ANKRD17: variants seen among roughly 807,000 people sequenced by gnomAD.
ANKRD17 encodes ankyrin repeat domain-containing protein 17.
In ANKRD17, 19 loss-of-function variants were observed where a neutral mutation model predicts 229.7. The observed-to-expected ratio is 0.08, with a 90% CI of 0.06 to 0.12. The LOEUF (loss-of-function observed/expected upper bound fraction) is 0.12, where lower values mean the gene tolerates loss of function less well. Among genes scored for constraint, ANKRD17 ranks in the 10% least tolerant of loss-of-function variants. The pLI is 1.00. For synonymous variants in ANKRD17, 1,112 were observed against 1,146.1 expected, an observed-to-expected ratio of 0.97 and a Z score of 0.60; for missense variants, 2,176 against 3,176.8, an observed-to-expected ratio of 0.68 and a Z score of 7.57.
In ANKRD17 at chr4:73,091,683, C is replaced by G; in HGVS notation, c.5945G>C (p.Gly1982Ala). 7 of 1,614,124 alleles carry G rather than the reference C, an allele frequency of 4.3e-6. No homozygotes were observed. Among genetic ancestry groups the G allele is most frequent in the Non-Finnish European group, 5.9e-6 (7 of 1,180,018 alleles). ...TTSSSASTVP[G>A]TSTNGSPSSP... ...ACTTGGACTGCCATTTGTAGATGTA[C>G]CAGGCACCGTTGAAGCTGATGAACT... The change falls in exon 29 of 34, where the codon GGT (glycine) becomes GCT (alanine). Residue 1982 changes from glycine (G) to alanine (A), a missense_variant. This residue lies in a region of ANKRD17 where 424 missense variants were observed against 454.0 expected (regional missense o/e 0.93). Transcript: ENST00000358602.
intron 1 of ANKRD17, among the ~76,000 whole-genome samples, chr4:73,208,049 C>A (rs1489483580): frequency 2.6e-5 from 4 of 151,918 alleles, no homozygotes; most frequent in Non-Finnish European, 5.9e-5. Flanking sequence ...ATTCTCCAGG[C>A]GTGGTGGTGG....
Position 73,177,423 on chromosome 4 carries a change from A to G in ANKRD17, c.504T>C (p.Asp168=). 1 of 1,612,894 alleles carries G rather than the reference A, an allele frequency of 6.2e-7. No homozygotes were observed. Among genetic ancestry groups the G allele is most frequent in the East Asian group, 2.2e-5 (1 of 44,862 alleles). The part of the protein sequence containing the change: ...TADGADLRTV[D]PETQARLEAL... ...CTTCCAGTCTAGCCTGTGTTTCTGG[A>G]TCTACTGTCCTGAGGTCTGCACCAT... The change falls in exon 2 of 34, where the codon GAT becomes GAC. Residue 168 remains aspartate (D), a synonymous_variant. Transcript: ENST00000358602.
intron 30 of ANKRD17, among the ~76,000 whole-genome samples, chr4:73,080,510 G>C (rs1341040182): frequency 6.6e-6 from 1 of 152,044 alleles, no homozygotes; most frequent in Non-Finnish European, 1.5e-5. Context: ...AAACTACAAG[G>C]AATACACAGA....
At chr4:73,138,852 CTAGTTA>C (rs1729244046) in intron 15 of ANKRD17, among the ~76,000 whole-genome samples, 1 of 151,948 alleles carries the variant, frequency 6.6e-6, no homozygotes, top group Non-Finnish European at 1.5e-5. Flanking sequence ...GTCAATGAAA[CTAGTTA>C]TAATCGAATA....
chr4:73,163,725 A>G (rs374671122), intron 2 of ANKRD17, among the ~76,000 whole-genome samples: 5 of 152,362 alleles, frequency 3.3e-5, no homozygotes, highest in African/African-American at 1.2e-4. Context: ...CTTTATAGCG[A>G]TATCTGCAAA....
In ANKRD17 at chr4:73,113,832, T is replaced by C; in HGVS notation, c.4361A>G (p.Lys1454Arg). Residue 1454 changes from lysine (K) to arginine (R), a missense_variant, in exon 24 of 34, where the codon AAA becomes AGA. Physicochemically the swap from Lys to Arg is conservative, Grantham distance 26. This residue lies in a region of ANKRD17 where 2 missense variants were observed against 31.0 expected (regional missense o/e 0.06). Coordinates refer to ENST00000358602, the MANE Select transcript of ANKRD17 (RefSeq NM_032217.5). ...CTCCTCTAACAAAATGCTGGCGTTT[T>C]TGTTTGCTTCAGCAGCCTGTCTATC... ...AKDRQAAEAN[K>R]NASILLEELD... The C allele has an allele frequency of 2.5e-6, 4 of 1,613,890 alleles. No individual in the cohort carries two copies. Among genetic ancestry groups the C allele is most frequent in the Non-Finnish European group, 3.4e-6 (4 of 1,179,894 alleles).
At chr4:73,147,481 G>C in intron 8 of ANKRD17, 49 bp from the exon 9 acceptor site, 1 of 1,342,474 alleles carries the variant, frequency 7.4e-7, no homozygotes, top group Non-Finnish European at 9.8e-7. Flanking sequence ...ACTTATTCCA[G>C]AGATATGAAA....
intron 31 of ANKRD17, among the ~76,000 whole-genome samples, chr4:73,078,057 C>G (rs573205637): frequency 6.6e-6 from 1 of 151,574 alleles, no homozygotes; most frequent in Admixed American, 6.6e-5. Flanking sequence ...TGATACCAGC[C>G]TGATCAACAT....
At chr4:73,233,436 A>G (rs1424012877) in intron 1 of ANKRD17, among the ~76,000 whole-genome samples, 1 of 152,210 alleles carries the variant, frequency 6.6e-6, no homozygotes, top group Non-Finnish European at 1.5e-5. Context: ...TGTACTTACA[A>G]TGTGATTATA....
rs149486769 is a variant in ANKRD17, at chr4:73,147,321, A to G, written c.1679T>C (p.Ile560Thr). 1.4e-5 allele frequency: 22 copies of G among 1,609,670 alleles called. No homozygotes were observed. Among genetic ancestry groups the G allele is most frequent in the East Asian group, 2.2e-5 (1 of 44,708 alleles). ...TAAAGGGGTAGAACACCCTAGTTCT[A>G]TATCGGCTCCTGCCTTAATTAGAAA... ...ADFLIKAGAD[I>T]ELGCSTPLME... Residue 560 changes from isoleucine (I) to threonine (T), a missense_variant, in exon 9 of 34, where the codon ATA (isoleucine) becomes ACA (threonine). This residue lies in a region of ANKRD17 where 275 missense variants were observed against 386.9 expected (regional missense o/e 0.71). Transcript: ENST00000358602.
intron 8 of ANKRD17, among the ~76,000 whole-genome samples, chr4:73,148,002 T>C (rs894786677): frequency 6.6e-6 from 1 of 152,022 alleles, no homozygotes; most frequent in African/African-American, 2.4e-5. Flanking sequence ...ATTAGCTTTA[T>C]ACACACGTAT....
At chr4:73,105,980 C>T (rs953541624) in intron 24 of ANKRD17, among the ~76,000 whole-genome samples, 2 of 152,152 alleles carry the variant, frequency 1.3e-5, no homozygotes, top group African/African-American at 2.4e-5. Flanking sequence ...GATTCAAATA[C>T]GTCCAGAGGC....
At chr4:73,136,608 G>C (rs1489244634) in intron 15 of ANKRD17, among the ~76,000 whole-genome samples, 1 of 151,716 alleles carries the variant, frequency 6.6e-6, no homozygotes, top group African/African-American at 2.4e-5. Flanking sequence ...AATAGAAAAG[G>C]GCATATACTA....
chr4:73,125,736 A>G, intron 16 of ANKRD17, among the ~76,000 whole-genome samples: 1 of 148,858 alleles, frequency 6.7e-6, no homozygotes, highest in Non-Finnish European at 1.5e-5. Context: ...CCGTCTCAAA[A>G]AAAAAAAAAA....
intron 24 of ANKRD17, 138 bp downstream of exon 24, chr4:73,113,654 T>C (rs1725593438): frequency 3.9e-6 from 3 of 770,214 alleles, no homozygotes; most frequent in Non-Finnish European, 6.4e-6. Flanking sequence ...TCTCCACGAT[T>C]TGAGCCAAAT....
At chr4:73,187,187 C>G (rs1736413328) in intron 1 of ANKRD17, among the ~76,000 whole-genome samples, 1 of 152,074 alleles carries the variant, frequency 6.6e-6, no homozygotes, top group African/African-American at 2.4e-5. Flanking sequence ...AAATTCCAAA[C>G]TGTATAATGA....
chr4:73,215,029 T>C (rs936162017), intron 1 of ANKRD17, among the ~76,000 whole-genome samples: 3 of 152,146 alleles, frequency 2.0e-5, no homozygotes, highest in Admixed American at 1.3e-4. Context: ...CTTTTTTTCA[T>C]AGAATACCAT....
intron 7 of ANKRD17, among the ~76,000 whole-genome samples, chr4:73,150,669 A>G (rs1312907483): frequency 6.6e-6 from 1 of 152,202 alleles, no homozygotes; most frequent in African/African-American, 2.4e-5. Flanking sequence ...CCTTTCAATA[A>G]TTACTCTCTG....
At chr4:73,078,498 A>T (rs1339655357) in intron 31 of ANKRD17, 144 bp downstream of exon 31, 48 of 968,844 alleles carry the variant, frequency 5.0e-5, no homozygotes, top group Non-Finnish European at 6.6e-5. Flanking sequence ...AGATCACCCC[A>T]TTGCACTCCA....
Sources: gnomAD v4.1 joint callset for allele counts (sites outside exome capture counted in the v4.1 genomes callset) on GRCh38, gnomAD v4.1.1 for gene constraint, gnomAD v4.1.1 regional missense constraint, MANE v1.5 for transcripts, NCBI Gene and HGNC (gene_info 2026-07-23, HGNC 2026-07-21) for gene names.